The following RYR1 variants were observed in gnomAD, a reference collection of about 807,000 sequenced individuals.
The protein encoded by RYR1 is ryanodine receptor 1.
A neutral mutation model predicts 583.5 loss-of-function variants in RYR1; 342 were observed. The ratio of observed to expected loss-of-function variants is 0.59; its 90% CI spans 0.54 to 0.64. RYR1 has a LOEUF of 0.64. RYR1 is among the 30% of genes least tolerant of loss of function. The pLI, the probability that RYR1 is intolerant of heterozygous loss-of-function variation, is 0.00. For missense variants in RYR1, 6,032 were observed against 6,917.2 expected (o/e 0.87, Z 4.54); for synonymous variants, 2,791 against 2,822.5 (o/e 0.99, Z 0.35).
chr19:38,458,422 CT>C (rs1967542161), intron 18 of RYR1, 130 bp downstream of exon 18: 2 of 911,292 alleles, frequency 2.2e-6, no homozygotes, highest in Admixed American at 2.0e-5. Flanking sequence ...CCTTTTAGTC[CT>C]CATTTCCCAA....
In RYR1 at chr19:38,486,134, C is replaced by A. The variant is rs746110626; in HGVS notation, c.5479C>A (p.Arg1827Ser). 6.2e-7 allele frequency: 1 copy of A among 1,613,136 alleles called. No individual in the cohort carries two copies. The highest frequency in any genetic ancestry group is 8.5e-7 in the Non-Finnish European group (1 of 1,179,882). ...EAVRDGGQHARDPVGGSVEFQ... is the reference protein window; with the variant it reads ...EAVRDGGQHASDPVGGSVEFQ... ...GGTGCGCGACGGTGGGCAGCACGCTCGCGACCCCGTCGGGGGCTCCGTGGA... is the reference window on the plus strand; with the variant it reads ...GGTGCGCGACGGTGGGCAGCACGCTAGCGACCCCGTCGGGGGCTCCGTGGA... The change falls in exon 34 of 106, where the codon CGC becomes AGC. Residue 1827 changes from arginine (R) to serine (S), a missense_variant. Physicochemically the swap from Arg to Ser is moderately radical, Grantham distance 110. Coordinates refer to ENST00000359596, the MANE Select transcript of RYR1 (RefSeq NM_000540.3).
intron 7 of RYR1, among the ~76,000 whole-genome samples, chr19:38,446,254 A>G (rs979862343): frequency 5.3e-5 from 8 of 151,874 alleles, no homozygotes; most frequent in Non-Finnish European, 1.0e-4. Context: ...AGACCCCCCA[A>G]ATTAGGTGCC....
chr19:38,584,974 G>T lies in RYR1; in HGVS notation c.14678G>T (p.Arg4893Leu). 1 of 1,613,980 alleles carries T rather than the reference G, an allele frequency of 6.2e-7. No homozygotes were observed. Among genetic ancestry groups the T allele is most frequent in the Non-Finnish European group, 8.5e-7 (1 of 1,179,984 alleles). ...CTGTTTCACATGTACGTGGGTGTCC[G>T]GGCTGGCGGAGGCATTGGGGACGAG... is the stretch of plus-strand genomic sequence containing the variant. ...CYLFHMYVGV[R>L]AGGGIGDEIE... Residue 4893 changes from arginine (R) to leucine (L), a missense_variant, in exon 102 of 106, where the codon CGG (arginine) becomes CTG (leucine). By Grantham distance (102) the Arg-to-Leu change is moderately radical (BLOSUM62 -2). Around this residue, in one of 11 missense-constraint regions of RYR1, gnomAD observed 189 missense variants for 350.3 expected, o/e 0.54. Transcript: ENST00000359596.
At chr19:38,527,556 C>T in intron 72 of RYR1, 91 bp from the exon 73 acceptor site, 1 of 1,511,776 alleles carries the variant, frequency 6.6e-7, no homozygotes, top group Admixed American at 1.8e-5. Flanking sequence ...TGCACTCACC[C>T]ATTGAGTCCT....
rs1969238039 is a variant in RYR1 at position 38,485,581 on chromosome 19, C to T, written c.4935-9C>T. The T allele has an allele frequency of 6.2e-7, 1 of 1,607,908 alleles. No individual in the cohort carries two copies. ...ATCTGTCCCTGTCTGTTTCCCACCT[C>T]TGCTGCAGGTGCATGGACATCCTGG... On this transcript the variant is annotated splice_polypyrimidine_tract_variant and intron_variant, in intron 33 of 105. Transcript: ENST00000359596.
rs752430492 is a variant in RYR1 at position 38,502,661 on chromosome 19, C to G, written c.7769C>G (p.Ser2590Cys). 1.9e-6 allele frequency: 3 copies of G among 1,611,890 alleles called. No individual in the cohort carries two copies. Among genetic ancestry groups the G allele is most frequent in the Non-Finnish European group, 2.5e-6 (3 of 1,179,896 alleles). Reference protein sequence around the residue: ...DSMLHTVYRLSRGRSLTKAQR... With the variant: ...DSMLHTVYRLCRGRSLTKAQR... ...ATGCTGCATACCGTGTACCGCCTGT[C>G]TCGGGGTCGTTCGCTCACCAAGGCG... is the stretch of plus-strand genomic sequence containing the variant. Residue 2590 changes from serine (S) to cysteine (C), a missense_variant, in exon 48 of 106, where the codon TCT becomes TGT. By Grantham distance (112) the Ser-to-Cys change is moderately radical. This residue lies in a region of RYR1 where 250 missense variants were observed against 162.3 expected (regional missense o/e 1.54). Transcript: ENST00000359596.
At chr19:38,528,816 C>G (rs138421813) in intron 75 of RYR1, 121 bp downstream of exon 75, 6 of 1,438,146 alleles carry the variant, frequency 4.2e-6, no homozygotes, top group South Asian at 3.5e-5. Flanking sequence ...ATGCCAGCTC[C>G]TGGCTTGAGT....
intron 84 of RYR1, among the ~76,000 whole-genome samples, chr19:38,541,205 G>T (rs926008656): frequency 6.6e-6 from 1 of 152,214 alleles, no homozygotes; most frequent in African/African-American, 2.4e-5. Flanking sequence ...GGTTGGGCCT[G>T]AGCACTGGGG....
rs1356588584 is a variant in RYR1 at position 38,507,709 on chromosome 19, C to A, written c.8817-3C>A. 1.3e-6 allele frequency: 2 copies of A among 1,585,896 alleles called. No homozygotes were observed. The highest frequency in any genetic ancestry group is 1.7e-6 in the Non-Finnish European group (2 of 1,154,516). On this transcript the variant is annotated splice_region_variant and splice_polypyrimidine_tract_variant and intron_variant, in intron 57 of 105. Transcript: ENST00000359596. ...TGATCCTTCTCTCCACATCTCCATG[C>A]AGAGGCCTTAAGGACATGGAACTGG...
At chr19:38,516,737 T>C (rs1306158574) in intron 65 of RYR1, among the ~76,000 whole-genome samples, 1 of 152,172 alleles carries the variant, frequency 6.6e-6, no homozygotes, top group East Asian at 1.9e-4. Context: ...TCAGCAAATA[T>C]GTATCGAGCA....
rs1312330509 is a variant in RYR1 at position 38,452,843 on chromosome 19, G to A, written c.1269G>A (p.Lys423=). The A allele has an allele frequency of 6.2e-7, 1 of 1,601,888 alleles. No individual in the cohort carries two copies. Among genetic ancestry groups the A allele is most frequent in the Admixed American group, 1.7e-5 (1 of 57,840 alleles). ...GGAGCCTGGACAGCTTCAGCGGGAA[G>A]CCACGGGGCTCGGGGCCACCCGCTG... ...FIKSLDSFSG[K]PRGSGPPAGT... is the part of the protein sequence containing the mutation. Residue 423 remains lysine, a synonymous_variant, in exon 13 of 106, where the codon AAG becomes AAA. Coordinates refer to ENST00000359596, the MANE Select transcript of RYR1 (RefSeq NM_000540.3).
Position 38,567,790 on chromosome 19 carries a change from A to G in RYR1, c.13532A>G (p.Lys4511Arg), listed in dbSNP as rs923603327. Residue 4511 changes from lysine (K) to arginine (R), a missense_variant, in exon 93 of 106, where the codon AAG becomes AGG. Lys to Arg is a conservative substitution (Grantham distance 26). This residue lies in a region of RYR1 where 753 missense variants were observed against 759.6 expected (regional missense o/e 0.99). Transcript: ENST00000359596. ...CCCTGCAGTGCCGAGAATGGGGAGA[A>G]GGAAGAAGTTCCCGAGCCCACACCA... ...PEKADAENGE[K>R]EEVPEPTPEP... 2.6e-5 allele frequency: 42 copies of G among 1,614,166 alleles called. No individual in the cohort carries two copies. The highest frequency in any genetic ancestry group is 3.1e-5 in the Non-Finnish European group (36 of 1,180,016).
In RYR1 at chr19:38,512,392, G is replaced by C; in HGVS notation, c.9381G>C (p.Gln3127His). 4 of 1,614,010 alleles carry C rather than the reference G, an allele frequency of 2.5e-6. No homozygotes were observed. Among genetic ancestry groups the C allele is most frequent in the Non-Finnish European group, 3.4e-6 (4 of 1,180,036 alleles). The change falls in exon 63 of 106, where the codon CAG becomes CAC. Residue 3127 changes from glutamine to histidine, a missense_variant. Physicochemically the swap from Gln to His is conservative, Grantham distance 24. Transcript: ENST00000359596. The surrounding 1 kb of genome is among the most constrained non-coding windows in gnomAD (Gnocchi z 5.1). ...QARTQVKGVG[Q>H]NLTYTTVALL... ...GCACCCAGGTGAAAGGCGTGGGCCAGAACCTCACCTACACCACTGTGGCAC... is the reference window on the plus strand; with the variant it reads ...GCACCCAGGTGAAAGGCGTGGGCCACAACCTCACCTACACCACTGTGGCAC...
intron 93 of RYR1, among the ~76,000 whole-genome samples, chr19:38,568,290 C>T (rs1159227443): frequency 6.6e-6 from 1 of 152,188 alleles, no homozygotes; most frequent in African/African-American, 2.4e-5. Flanking sequence ...CTCAGTCCCT[C>T]CACCACTCCC....
At chr19:38,453,549 C>T (rs1967207016) in intron 13 of RYR1, among the ~76,000 whole-genome samples, 1 of 151,680 alleles carries the variant, frequency 6.6e-6, no homozygotes, top group Non-Finnish European at 1.5e-5. Context: ...AAATCTCTGT[C>T]CTTATGGAGT....
chr19:38,533,783 CAA>C (rs1307585464), intron 78 of RYR1, among the ~76,000 whole-genome samples: 39 of 76,250 alleles, frequency 5.1e-4, no homozygotes, highest in East Asian at 7.8e-4. Context: ...GACTCCATCT[CAA>C]AAAAAAAAAA....
rs151229391 is a variant in RYR1 at position 38,555,270 on chromosome 19, G to C, written c.12283-5843G>C. Among the ~76,000 whole-genome samples, 585 of 152,046 alleles carry C rather than the reference G, an allele frequency of 3.8e-3. 6 individuals are homozygous for C. Among genetic ancestry groups the C allele is most frequent in the African/African-American group, 0.013 (558 of 41,496 alleles). ...GTTTGAGAAGAGCCTGGGCAACATG[G>C]CGAAACCCTGTCTCCACTAAAAATA... On this transcript the variant is annotated intron_variant, in intron 89 of 105. Coordinates refer to ENST00000359596, the MANE Select transcript of RYR1 (RefSeq NM_000540.3).
intron 42 of RYR1, among the ~76,000 whole-genome samples, chr19:38,497,618 T>A (rs1207729535): frequency 6.6e-6 from 1 of 152,208 alleles, no homozygotes; most frequent in Non-Finnish European, 1.5e-5. Flanking sequence ...TGTTATATTA[T>A]CATTCAACAA....
chr19:38,526,870 C>T, intron 71 of RYR1, 123 bp from the exon 72 acceptor site: 1 of 1,007,234 alleles, frequency 9.9e-7, no homozygotes, highest in Non-Finnish European at 1.5e-6. Flanking sequence ...TCTCTCAGAC[C>T]CCCACCCCCA....
Sources: allele counts gnomAD v4.1 joint callset (sites outside exome capture counted in the v4.1 genomes callset), GRCh38; gene constraint gnomAD v4.1.1; regional missense constraint gnomAD v4.1.1; non-coding constraint Gnocchi (gnomAD v3.1); transcripts MANE v1.5; gene names NCBI Gene and HGNC (gene_info 2026-07-23, HGNC 2026-07-21).